Variants in BPI observed in about 807,000 individuals in gnomAD.
The protein encoded by BPI is bactericidal permeability increasing protein, also known as bactericidal permeability-increasing protein.
In BPI, 48 loss-of-function variants were observed where a neutral mutation model predicts 57.6. The observed-to-expected ratio is 0.83, with a 90% confidence interval of 0.66 to 1.06. BPI has a LOEUF of 1.06. BPI is among the 50% of genes least tolerant of loss of function. The pLI is 0.00. For synonymous variants in BPI, 237 were observed against 238.2 expected, an observed-to-expected ratio of 0.99 and a Z score of 0.05; for missense variants, 651 against 609.7, an observed-to-expected ratio of 1.07 and a Z score of -0.71.
At chr20:38,327,502 T>C in intron 10 of BPI, 86 bp from the exon 11 acceptor site, 1 of 1,470,054 alleles carries the variant, frequency 6.8e-7, no homozygotes, top group Non-Finnish European at 9.4e-7. Context: ...TGCTGAGCCG[T>C]TGTGAAGCTG....
rs748650230 is a variant in BPI, at chr20:38,307,691, A to G, written c.245+10A>G. ...ATTATAGCTTCTACAGGTGAGGCCT[A>G]TCAGAGCTCAATCCTCGATTTGCAG... On this transcript the variant is annotated intron_variant, in intron 2 of 14. Coordinates refer to ENST00000642449, the MANE Select transcript of BPI (RefSeq NM_001725.3). The G allele has an allele frequency of 1.3e-6, 2 of 1,595,166 alleles. No individual in the cohort carries two copies. The highest frequency in any genetic ancestry group is 8.6e-7 in the Non-Finnish European group (1 of 1,165,002).
In BPI at chr20:38,327,668, G is replaced by A. The variant is rs771701688; in HGVS notation, c.1229+13G>A. 6.2e-7 allele frequency: 1 copy of A among 1,613,130 alleles called. No homozygotes were observed. Among genetic ancestry groups the A allele is most frequent in the Non-Finnish European group, 8.5e-7 (1 of 1,179,420 alleles). ...TCAAGCTGGATAGGTAAGTGGGCCTGTGAGAGGAGGAGGGGGCTGCCCCTC... is the reference window on the plus strand; with the variant it reads ...TCAAGCTGGATAGGTAAGTGGGCCTATGAGAGGAGGAGGGGGCTGCCCCTC... On this transcript the variant is annotated intron_variant, in intron 11 of 14. Transcript: ENST00000642449.
chr20:38,329,758 G>A lies in BPI; in HGVS notation c.1230-1290G>A, dbSNP rs544367945. ...GACAGAGTTTTGCTCTGTCACCCAG[G>A]CTGGTGTGCAGTGGCATGATCTCAG... On this transcript the variant is annotated intron_variant, in intron 11 of 14. Transcript: ENST00000642449. Among the ~76,000 whole-genome samples, 228 of 152,170 alleles carry A rather than the reference G, an allele frequency of 1.5e-3. 1 individual carries two copies. Among genetic ancestry groups the A allele is most frequent in the Middle Eastern group, 3.4e-3 (1 of 294 alleles).
At position 38,311,943 on chromosome 20, in the gene BPI, A is replaced by T. The variant is rs761242314; in HGVS notation, c.600+6A>T. The T allele has an allele frequency of 6.2e-7, 1 of 1,613,710 alleles. No homozygotes were observed. The stretch of plus-strand genomic sequence containing the variant: ...GAAACAAGATGAACAGCCAGGTAGG[A>T]GGGGCTCAGAGCCCCATCAGCAAAC... On this transcript the variant is annotated splice_donor_region_variant and intron_variant, in intron 5 of 14. Transcript: ENST00000642449.
intron 11 of BPI, among the ~76,000 whole-genome samples, chr20:38,328,498 C>T (rs187902912): frequency 4.5e-4 from 69 of 151,962 alleles, no homozygotes; most frequent in Middle Eastern, 3.5e-3. Flanking sequence ...TGCAGTGAGC[C>T]GAGATCGCCC....
At chr20:38,334,391 G>A (rs771012440) in intron 12 of BPI, 39 bp from the exon 13 acceptor site, 31 of 1,583,610 alleles carry the variant, frequency 2.0e-5, no homozygotes, top group Admixed American at 8.3e-5. Flanking sequence ...AGGTTCTGGC[G>A]ATGCAGGGCC....
At chr20:38,308,867 A>C (rs991707924) in intron 2 of BPI, 63 bp from the exon 3 acceptor site, 11 of 1,594,960 alleles carry the variant, frequency 6.9e-6, no homozygotes, top group Middle Eastern at 3.3e-4. Flanking sequence ...CCATTAACGA[A>C]GTCCTCATGT....
chr20:38,326,264 G>A lies in BPI; in HGVS notation c.994-1G>A. The stretch of plus-strand genomic sequence containing the variant: ...TTGATTGTCTCCACTGGGGGCTGCA[G>A]GTGGCCAAGAAGTTTCCCAACATGA... On this transcript the variant is annotated splice_acceptor_variant, in intron 9 of 14. Coordinates refer to ENST00000642449, the MANE Select transcript of BPI (RefSeq NM_001725.3). LOFTEE classifies it high-confidence loss of function. 1.2e-6 allele frequency: 2 copies of A among 1,611,198 alleles called. No homozygotes were observed. The highest frequency in any genetic ancestry group is 1.7e-6 in the Non-Finnish European group (2 of 1,178,374).
chr20:38,323,198 T>TA (rs150006756), intron 7 of BPI, among the ~76,000 whole-genome samples: 2,862 of 152,314 alleles, frequency 0.019, 44 homozygotes, highest in Admixed American at 0.036. Context: ...TTATACTTTT[T>TA]ATGGGCCTTT....
At chr20:38,314,297 AATG>A (rs1462480208) in intron 5 of BPI, among the ~76,000 whole-genome samples, 2 of 74,156 alleles carry the variant, frequency 2.7e-5, no homozygotes, top group East Asian at 4.7e-4. Flanking sequence ...GGATGATGAT[AATG>A]ATGATGGTGA....
chr20:38,310,699 A>G (rs1360250430), intron 4 of BPI, 47 bp downstream of exon 4: 1 of 1,579,066 alleles, frequency 6.3e-7, no homozygotes, highest in East Asian at 2.3e-5. Context: ...TTAAAGAAGA[A>G]CTCTCCCAAT....
Position 38,327,546 on chromosome 20 carries a change from G to T in BPI, c.1162-42G>T. 3 of 1,609,180 alleles carry T rather than the reference G, an allele frequency of 1.9e-6. No individual in the cohort carries two copies. The South Asian group carries it at 3.3e-5, about 18-fold the overall frequency. ...TGGTTTGGAGGCCTTGCAATCAGGT[G>T]CCTGGGTCAGGGCACTTCACCCTGG... On this transcript the variant is annotated intron_variant, in intron 10 of 14. Transcript: ENST00000642449.
intron 10 of BPI, 26 bp downstream of exon 10, chr20:38,326,458 T>C: frequency 6.2e-7 from 1 of 1,601,802 alleles, no homozygotes; most frequent in Non-Finnish European, 8.5e-7. Flanking sequence ...GTTGGACAGA[T>C]GAGGAGCCCC....
At chr20:38,324,087 C>A (rs767086434) in intron 8 of BPI, 41 bp downstream of exon 8, 1 of 1,596,902 alleles carries the variant, frequency 6.3e-7, no homozygotes, top group Non-Finnish European at 8.5e-7. Flanking sequence ...GAGCACTGGA[C>A]CCAGAATCCT....
chr20:38,327,630 C>T lies in BPI; in HGVS notation c.1204C>T (p.Leu402Phe). Residue 402 changes from leucine to phenylalanine, a missense_variant, in exon 11 of 15, where the codon CTT becomes TTT. Coordinates refer to ENST00000642449, the MANE Select transcript of BPI (RefSeq NM_001725.3). ...SMEVSAESNR[L>F]VGELKLDRLL... ...GGAGGTCAGCGCCGAGTCCAACAGGCTTGTTGGAGAGCTCAAGCTGGATAG... is the reference window on the plus strand; with the variant it reads ...GGAGGTCAGCGCCGAGTCCAACAGGTTTGTTGGAGAGCTCAAGCTGGATAG... 1.2e-6 allele frequency: 2 copies of T among 1,613,702 alleles called. No individual in the cohort carries two copies. Among genetic ancestry groups the T allele is most frequent in the Non-Finnish European group, 1.7e-6 (2 of 1,179,762 alleles).
At chr20:38,327,785 A>C in intron 11 of BPI, 130 bp downstream of exon 11, 2 of 1,093,148 alleles carry the variant, frequency 1.8e-6, no homozygotes, top group Non-Finnish European at 2.7e-6. Context: ...TTAAAACCTC[A>C]AAGAGTGTGC....
At chr20:38,318,501 A>G (rs1282544702) in intron 6 of BPI, 25 bp downstream of exon 6, 2 of 1,605,990 alleles carry the variant, frequency 1.2e-6, no homozygotes, top group Non-Finnish European at 1.7e-6. Flanking sequence ...AAGATCAAGG[A>G]TAGAAAGGAA....
At chr20:38,315,368 G>A (rs2076647193) in intron 5 of BPI, among the ~76,000 whole-genome samples, 1 of 152,188 alleles carries the variant, frequency 6.6e-6, no homozygotes, top group Non-Finnish European at 1.5e-5. Flanking sequence ...AAGTGAGCCA[G>A]GGAGTCTGCC....
rs892646318 is a variant in BPI at position 38,337,490 on chromosome 20, G to T, written c.*306G>T. 5.9e-5 allele frequency: 18 copies of T among 306,278 alleles called. No homozygotes were observed. Among genetic ancestry groups the T allele is most frequent in the South Asian group, 2.9e-4 (3 of 10,304 alleles). The allele number at this position is 306,278 out of a possible 1,614,324, so 19.0% of individuals were successfully genotyped here. On this transcript the variant is annotated 3_prime_UTR_variant, in exon 15 of 15. Coordinates refer to ENST00000642449, the MANE Select transcript of BPI (RefSeq NM_001725.3). ...TGTGCTTCATGAAAAAAAACTTCTG[G>T]TTTTTTTCATGTGGATTCTGTGTGC...
Sources: gnomAD v4.1 joint callset for allele counts (sites outside exome capture counted in the v4.1 genomes callset) on GRCh38, gnomAD v4.1.1 for gene constraint, MANE v1.5 for transcripts, NCBI Gene and HGNC (gene_info 2026-07-23, HGNC 2026-07-21) for gene names.